The following AIF1L variants were observed in gnomAD, a reference collection of about 807,000 sequenced individuals.
AIF1L encodes allograft inflammatory factor 1 like.
A neutral mutation model predicts 20.7 loss-of-function variants in AIF1L; 12 were observed. That is an observed-to-expected ratio of 0.58 (90% CI 0.37 to 0.94). AIF1L has a LOEUF of 0.94. Ranked by LOEUF, AIF1L falls within the 40% of genes least tolerant of loss-of-function variation. AIF1L has a pLI of 0.01. For missense variants in AIF1L, 173 were observed against 185.3 expected (o/e 0.93, Z 0.39); for synonymous variants, 76 against 65.1 (o/e 1.17, Z -0.81).
At chr9:131,096,977 C>G (rs1308714467) in intron 2 of AIF1L, 114 bp downstream of exon 2, 1 of 1,192,868 alleles carries the variant, frequency 8.4e-7, no homozygotes, top group Admixed American at 3.9e-5. Context: ...CCTTCCCTTC[C>G]CCTGGGCTTC....
intron 2 of AIF1L, among the ~76,000 whole-genome samples, chr9:131,102,440 G>A (rs1332094325): frequency 6.6e-6 from 1 of 152,170 alleles, no homozygotes; most frequent in African/African-American, 2.4e-5. Context: ...GGCATTGCTG[G>A]GCACCCACCT....
Position 131,096,678 on chromosome 9 carries a change from C to G in AIF1L, c.31+18C>G, listed in dbSNP as rs184924255. 21,010 of 1,472,932 alleles carry G rather than the reference C, an allele frequency of 0.014. 200 individuals are homozygous for G. The highest frequency in any genetic ancestry group is 0.035 in the Middle Eastern group (161 of 4,608). 91.2% of individuals were successfully genotyped at this position (1,472,932 alleles called of 1,614,324 possible). On this transcript the variant is annotated intron_variant, in intron 1 of 5. Coordinates refer to ENST00000247291, the MANE Select transcript of AIF1L (RefSeq NM_031426.4). ...GTTCCAAGGTAGGCGCCGCCGTCCC[C>G]GAGCAGCCACCTGTGCGCGCCGGGC...
At chr9:131,105,366 G>C (rs574928205) in intron 2 of AIF1L, among the ~76,000 whole-genome samples, 1 of 152,294 alleles carries the variant, frequency 6.6e-6, no homozygotes, top group East Asian at 1.9e-4. Flanking sequence ...GTCATGTTTT[G>C]TTTTGTTTTG....
intron 3 of AIF1L, among the ~76,000 whole-genome samples, chr9:131,113,128 CTG>C (rs1214543635): frequency 6.6e-6 from 1 of 151,912 alleles, no homozygotes; most frequent in African/African-American, 2.4e-5. Flanking sequence ...GGTTAGCAGA[CTG>C]TGGTAGGTGC....
intron 2 of AIF1L, 65 bp from the exon 3 acceptor site, chr9:131,111,531 TG>T: frequency 1.4e-6 from 2 of 1,441,182 alleles, no homozygotes; most frequent in Non-Finnish European, 9.7e-7. Context: ...CCCCGGACAG[TG>T]GGCCCATGTG....
intron 3 of AIF1L, 123 bp downstream of exon 3, chr9:131,111,786 C>T: frequency 9.9e-7 from 1 of 1,008,136 alleles, no homozygotes; most frequent in Non-Finnish European, 1.5e-6. Context: ...CCAGAATGCC[C>T]TTCTTCCTGG....
At chr9:131,119,160 G>C (rs1349604571) in intron 5 of AIF1L, among the ~76,000 whole-genome samples, 1 of 65,458 alleles carries the variant, frequency 1.5e-5, no homozygotes, top group South Asian at 6.2e-4. Flanking sequence ...ATTGAAGAGC[G>C]TTACAGCATT....
At chr9:131,109,624 T>G (rs1830832727) in intron 2 of AIF1L, among the ~76,000 whole-genome samples, 1 of 151,748 alleles carries the variant, frequency 6.6e-6, no homozygotes, top group South Asian at 2.1e-4. Context: ...ATTTGCAGAG[T>G]TCGAGTGGTA....
rs531977405 is a variant in AIF1L at position 131,120,947 on chromosome 9, A to G, written c.*625A>G. 10 of 514,422 alleles carry G rather than the reference A, an allele frequency of 1.9e-5. No individual in the cohort carries two copies. In the South Asian group the frequency reaches 3.2e-4, roughly 17 times the overall value. The allele number at this position is 514,422 out of a possible 1,614,324, so 31.9% of individuals were successfully genotyped here. The stretch of plus-strand genomic sequence containing the variant: ...ATTGGGAGCCCTTCAAGAAGGTACC[A>G]GAAGGAACCCTCCAGTCCTGCTCTC... On this transcript the variant is annotated 3_prime_UTR_variant, in exon 6 of 6. Coordinates refer to ENST00000247291, the MANE Select transcript of AIF1L (RefSeq NM_031426.4).
intron 5 of AIF1L, 150 bp from the exon 6 acceptor site, chr9:131,120,085 T>C: frequency 1.4e-6 from 1 of 692,526 alleles, no homozygotes; most frequent in South Asian, 2.0e-5. Flanking sequence ...AGCTGCTGTC[T>C]TGGGCTTCTG....
intron 2 of AIF1L, among the ~76,000 whole-genome samples, chr9:131,099,659 T>C (rs1830595643): frequency 6.6e-6 from 1 of 151,922 alleles, no homozygotes; most frequent in Non-Finnish European, 1.5e-5. Flanking sequence ...CGATACCTAG[T>C]TCCCTTTGGG....
chr9:131,098,238 C>G (rs1202994896), intron 2 of AIF1L: 1 of 152,446 alleles, frequency 6.6e-6, no homozygotes, highest in Non-Finnish European at 1.5e-5. Flanking sequence ...CTCTGGGGAC[C>G]TCAGGGTTCC....
chr9:131,115,169 G>A (rs1229562651), intron 4 of AIF1L, among the ~76,000 whole-genome samples: 1 of 152,120 alleles, frequency 6.6e-6, no homozygotes, highest in Non-Finnish European at 1.5e-5. Context: ...GGTGAAATGG[G>A]CCGGGCGCCA....
chr9:131,116,488 T>G lies in AIF1L; in HGVS notation c.203-1268T>G, dbSNP rs142234810. On this transcript the variant is annotated intron_variant, in intron 4 of 5. Transcript: ENST00000247291. The stretch of plus-strand genomic sequence containing the variant: ...CATGTTGGCCAGGCTGGACTCAAAC[T>G]CCTGGCCTCAAGTGATCCGCCTGCC... 1.5e-3 allele frequency among the ~76,000 whole-genome samples: 230 copies of G among 152,318 alleles called. 5 individuals carry two copies. In the East Asian group the frequency reaches 0.038, roughly 25 times the overall value.
rs1174056564 is a variant in AIF1L at position 131,121,429 on chromosome 9, TG to T, written c.*1111del. ...AGAACCTTGAGCTTGGGAATTGAACTGGGGTCACCTGTGTCCTTTCTTATGG... is the reference window on the plus strand; with the variant it reads ...AGAACCTTGAGCTTGGGAATTGAACTGGGTCACCTGTGTCCTTTCTTATGG... On this transcript the variant is annotated 3_prime_UTR_variant, in exon 6 of 6. Transcript: ENST00000247291. 6.7e-6 allele frequency: 2 copies of T among 299,986 alleles called. No homozygotes were observed. The highest frequency in any genetic ancestry group is 4.3e-5 in the African/African-American group (2 of 46,758). The allele number at this position is 299,986 out of a possible 1,614,324, so 18.6% of individuals were successfully genotyped here.
At chr9:131,113,303 G>A (rs557871767) in intron 3 of AIF1L, among the ~76,000 whole-genome samples, 26 of 152,050 alleles carry the variant, frequency 1.7e-4, no homozygotes, top group African/African-American at 6.3e-4. Context: ...TCCAAGACCA[G>A]CCCGGCCAAC....
intron 3 of AIF1L, among the ~76,000 whole-genome samples, chr9:131,113,061 G>T (rs866291541): frequency 1.3e-5 from 2 of 152,102 alleles, no homozygotes; most frequent in Non-Finnish European, 1.5e-5. Flanking sequence ...CTGTGTTCTC[G>T]CTCGGGGGGC....
At chr9:131,109,324 C>G (rs936004841) in intron 2 of AIF1L, among the ~76,000 whole-genome samples, 20 of 151,966 alleles carry the variant, frequency 1.3e-4, no homozygotes, top group African/African-American at 4.8e-4. Context: ...TTTGGGAGGT[C>G]GAGGTGGGCG....
intron 2 of AIF1L, chr9:131,107,989 C>G (rs892163189): frequency 6.6e-6 from 1 of 152,264 alleles, no homozygotes; most frequent in Non-Finnish European, 1.5e-5. Context: ...GGAGGGCGGC[C>G]TCCCAGGCTG....
Sources: allele counts gnomAD v4.1 joint callset (sites outside exome capture counted in the v4.1 genomes callset), GRCh38; gene constraint gnomAD v4.1.1; transcripts MANE v1.5; gene names NCBI Gene and HGNC (gene_info 2026-07-23, HGNC 2026-07-21).